The following ROBO2 variants were observed in gnomAD, a reference collection of about 807,000 sequenced individuals.
ROBO2 encodes the protein roundabout homolog 2.
ROBO2 carries 53 observed loss-of-function variants against 160.8 expected under a neutral mutation model. The observed-to-expected ratio is 0.33, with a 90% confidence interval of 0.26 to 0.41. ROBO2 has a LOEUF of 0.41. Ranked by LOEUF, ROBO2 falls within the 10% of genes least tolerant of loss-of-function variation. The pLI is 1.00. For missense variants in ROBO2, 1,577 were observed against 1,722.4 expected (o/e 0.92, Z 1.49); for synonymous variants, 664 against 611.7 (o/e 1.09, Z -1.26).
intron 2 of ROBO2, among the ~76,000 whole-genome samples, chr3:76,563,990 G>C (rs1371228209): frequency 6.6e-6 from 1 of 152,198 alleles, no homozygotes; most frequent in Non-Finnish European, 1.5e-5. Flanking sequence ...TGGATCACTT[G>C]AGTTCAGGAG....
chr3:76,778,755 C>A (rs2060647), intron 2 of ROBO2, among the ~76,000 whole-genome samples: 48,796 of 150,862 alleles, frequency 0.32, 10,208 homozygotes, highest in African/African-American at 0.59. Flanking sequence ...ATAAATAGCA[C>A]AAGTCCTCCA....
intron 2 of ROBO2, among the ~76,000 whole-genome samples, chr3:75,959,420 A>C (rs1274407514): frequency 1.3e-5 from 2 of 151,804 alleles, no homozygotes; most frequent in Non-Finnish European, 2.9e-5. Context: ...TCTGGTTAAA[A>C]AAGGGTTGAG....
chr3:76,615,875 G>T (rs1470043568), intron 2 of ROBO2, among the ~76,000 whole-genome samples: 1 of 152,156 alleles, frequency 6.6e-6, no homozygotes, highest in Non-Finnish European at 1.5e-5. Context: ...TTCCTATTTT[G>T]GGATGAGGAG....
At chr3:76,344,593 A>C (rs766786668) in intron 2 of ROBO2, among the ~76,000 whole-genome samples, 7 of 152,302 alleles carry the variant, frequency 4.6e-5, no homozygotes, top group Non-Finnish European at 1.0e-4. Context: ...AAAAGGCTCT[A>C]TTACTTGGTC....
At chr3:77,243,348 G>T (rs1259216178) in intron 2 of ROBO2, among the ~76,000 whole-genome samples, 1 of 152,088 alleles carries the variant, frequency 6.6e-6, no homozygotes, top group African/African-American at 2.4e-5. Context: ...GCTAACTGTA[G>T]TCTAGTACTA....
At chr3:76,429,925 G>T (rs754985052) in intron 2 of ROBO2, among the ~76,000 whole-genome samples, 6 of 152,074 alleles carry the variant, frequency 3.9e-5, no homozygotes, top group Non-Finnish European at 7.4e-5. Flanking sequence ...AGATGGTGAG[G>T]GCGAGAACAG....
chr3:77,596,724 A>G (rs757522929), exon 19 of ROBO2: 1 of 1,613,542 alleles, frequency 6.2e-7, no homozygotes, highest in South Asian at 1.1e-5. Context: ...AGTGGCCCAA[A>G]TGAGATTGGA....
At chr3:75,997,141 A>G (rs2065751709) in intron 2 of ROBO2, among the ~76,000 whole-genome samples, 2 of 152,186 alleles carry the variant, frequency 1.3e-5, no homozygotes, top group Non-Finnish European at 2.9e-5. Context: ...TAATATAAGT[A>G]TTTGCTCTAA....
At chr3:76,821,353 G>A (rs1230033241) in intron 2 of ROBO2, among the ~76,000 whole-genome samples, 1 of 151,950 alleles carries the variant, frequency 6.6e-6, no homozygotes, top group Non-Finnish European at 1.5e-5. Flanking sequence ...TAAGTTTACA[G>A]ATAAGAATTC....
At chr3:76,299,857 A>G (rs1247854499) in intron 2 of ROBO2, among the ~76,000 whole-genome samples, 5 of 152,134 alleles carry the variant, frequency 3.3e-5, no homozygotes, top group South Asian at 4.1e-4. Context: ...AGAATGACTA[A>G]GTTTTTTGGC....
chr3:77,504,181 C>A (rs1276575298), intron 5 of ROBO2, among the ~76,000 whole-genome samples: 3 of 152,084 alleles, frequency 2.0e-5, no homozygotes, highest in Admixed American at 2.0e-4. Context: ...ATAATAAGAT[C>A]TCAGTATAAA....
intron 2 of ROBO2, among the ~76,000 whole-genome samples, chr3:76,835,828 A>G (rs1219500762): frequency 6.6e-6 from 1 of 151,940 alleles, no homozygotes; most frequent in Admixed American, 6.6e-5. Flanking sequence ...TTTCACCTGG[A>G]TTTTGCATTC....
intron 2 of ROBO2, among the ~76,000 whole-genome samples, chr3:76,013,907 G>C (rs925447168): frequency 1.3e-5 from 2 of 152,096 alleles, no homozygotes; most frequent in Non-Finnish European, 2.9e-5. Flanking sequence ...AATCCCAGAA[G>C]TAATATGTAT....
At chr3:76,807,744 A>G (rs2108942251) in intron 2 of ROBO2, among the ~76,000 whole-genome samples, 1 of 152,240 alleles carries the variant, frequency 6.6e-6, no homozygotes, top group Middle Eastern at 3.4e-3. Flanking sequence ...TTAGAACAAT[A>G]TAGTGAAAGG....
chr3:76,025,174 A>G (rs1453067964), intron 2 of ROBO2, among the ~76,000 whole-genome samples: 1 of 151,574 alleles, frequency 6.6e-6, no homozygotes, highest in Non-Finnish European at 1.5e-5. Flanking sequence ...ATTTTAAATA[A>G]TGCTAAATAT....
intron 2 of ROBO2, among the ~76,000 whole-genome samples, chr3:77,277,812 A>G (rs1341981343): frequency 6.6e-6 from 1 of 152,210 alleles, no homozygotes; most frequent in East Asian, 1.9e-4. Context: ...CTTTGGGTAT[A>G]TACCCAGTAA....
chr3:76,082,924 G>C (rs1185014537), intron 2 of ROBO2, among the ~76,000 whole-genome samples: 1 of 152,042 alleles, frequency 6.6e-6, no homozygotes, highest in Non-Finnish European at 1.5e-5. Flanking sequence ...ATCACCATGG[G>C]CATAGAGTAG....
At chr3:76,247,941 A>G (rs892552507) in intron 2 of ROBO2, among the ~76,000 whole-genome samples, 1 of 151,844 alleles carries the variant, frequency 6.6e-6, no homozygotes, top group African/African-American at 2.4e-5. Context: ...CCACAATGAG[A>G]TACCATCTCA....
At chr3:77,007,068 A>G (rs559520865) in intron 2 of ROBO2, among the ~76,000 whole-genome samples, 2 of 152,252 alleles carry the variant, frequency 1.3e-5, no homozygotes, top group African/African-American at 4.8e-5. Flanking sequence ...TAACCAACAG[A>G]GAAGACTCTT....
Sources: gnomAD v4.1 joint callset for allele counts (sites outside exome capture counted in the v4.1 genomes callset) on GRCh38, gnomAD v4.1.1 for gene constraint, MANE v1.5 for transcripts, NCBI Gene and HGNC (gene_info 2026-07-23, HGNC 2026-07-21) for gene names.